TMCO6: variants seen among roughly 807,000 people sequenced by gnomAD.
TMCO6 encodes the protein transmembrane and coiled-coil domain-containing protein 6.
A neutral mutation model predicts 61.8 loss-of-function variants in TMCO6; 47 were observed. That is an observed-to-expected ratio of 0.76 (90% confidence interval 0.60 to 0.97). TMCO6 has a LOEUF of 0.97. TMCO6 is among the 50% of genes least tolerant of loss of function. The pLI is 0.00. For missense variants in TMCO6, 557 were observed against 601.6 expected (o/e 0.93, Z 0.78); for synonymous variants, 261 against 254.2 (o/e 1.03, Z -0.25).
chr5:140,603,052 GT>G, the TMCO6 span, among the ~76,000 whole-genome samples: 1 of 151,880 alleles, frequency 6.6e-6, no homozygotes, highest in Admixed American at 6.6e-5. Context: ...GTATGATTCA[GT>G]GGTATTTAGT....
chr5:140,633,789 C>CT, the TMCO6 span: 2,433 of 124,342 alleles, frequency 0.02, 59 homozygotes, highest in African/African-American at 0.048. Context: ...AACTTTCTTT[C>CT]TTTTTTTTTT....
At chr5:140,632,938 G>A in the TMCO6 span, 1 of 1,614,118 alleles carries the variant, frequency 6.2e-7, no homozygotes, top group Non-Finnish European at 8.5e-7. This position sits in a 1 kb window ranked among gnomAD's most constrained non-coding sequence, Gnocchi z 6.2. Context: ...GCAGAGACGT[G>A]CACCAGCGGC....
In TMCO6 at chr5:140,641,969, C is replaced by T. The variant is rs528915325; in HGVS notation, c.414C>T (p.Ser138=). 2.1e-4 allele frequency: 343 copies of T among 1,614,082 alleles called. No homozygotes were observed. The South Asian group carries it at 2.9e-3, about 14-fold the overall frequency. ...GGTGCCTGCATGAGCTCTCTCACTC[C>T]GAGCAGTCCACTGTTGCTGAGGCCT... ...AARCLHELSH[S]EQSTVAEACL... The change falls in exon 4 of 12, where the codon TCC becomes TCT. Residue 138 remains serine, a synonymous_variant. Coordinates refer to ENST00000394671, the MANE Select transcript of TMCO6 (RefSeq NM_018502.5).
the TMCO6 span, among the ~76,000 whole-genome samples, chr5:140,620,120 G>T: frequency 6.6e-6 from 1 of 152,182 alleles, no homozygotes; most frequent in Non-Finnish European, 1.5e-5. Context: ...AAAACTTGGG[G>T]GCAACTAAGA....
At chr5:140,615,310 A>C in the TMCO6 span, among the ~76,000 whole-genome samples, 1 of 152,254 alleles carries the variant, frequency 6.6e-6, no homozygotes, top group Non-Finnish European at 1.5e-5. Context: ...ACAAATAAAC[A>C]GAAAGTTAAT....
the TMCO6 span, chr5:140,633,047 G>A: frequency 6.2e-7 from 1 of 1,614,060 alleles, no homozygotes; most frequent in Non-Finnish European, 8.5e-7. Context: ...GCACGCGTTC[G>A]ACCCCAAGAC....
upstream of TMCO6, among the ~76,000 whole-genome samples, chr5:140,638,314 G>A (rs1230797283): frequency 3.9e-5 from 6 of 152,180 alleles, no homozygotes; most frequent in African/African-American, 1.4e-4. Flanking sequence ...AGGGGAAGGG[G>A]TGCCTGTAAT....
chr5:140,645,084 GCT>G lies in TMCO6; in HGVS notation c.1471_1472del (p.Leu491SerfsTer16), dbSNP rs1252501458. 6.2e-7 allele frequency: 1 copy of G among 1,614,096 alleles called. No homozygotes were observed. Among genetic ancestry groups the G allele is most frequent in the South Asian group, 1.1e-5 (1 of 91,088 alleles). On this transcript the variant is annotated frameshift_variant, in exon 12 of 12. Transcript: ENST00000394671. LOFTEE classifies it high-confidence loss of function. ...QDRVYALQQT[A>X]LQG Reference sequence around the variant, plus strand: ...TCGTGTGTATGCTCTCCAGCAGACAGCTCTTCAAGGGTGATCTTGTTTCTCAA... The same window carrying G: ...TCGTGTGTATGCTCTCCAGCAGACAGCTTCAAGGGTGATCTTGTTTCTCAA...
At chr5:140,632,982 T>C in the TMCO6 span, 1 of 1,614,086 alleles carries the variant, frequency 6.2e-7, no homozygotes, top group Non-Finnish European at 8.5e-7. This position sits in a 1 kb window ranked among gnomAD's most constrained non-coding sequence, Gnocchi z 6.2. Flanking sequence ...CGCGCGCTCC[T>C]GGGGAGAGAG....
chr5:140,631,966 G>C, the TMCO6 span: 14 of 1,613,526 alleles, frequency 8.7e-6, no homozygotes, highest in Middle Eastern at 1.6e-4. Flanking sequence ...GAGCCCTCGT[G>C]GGGGAGGGCA....
chr5:140,606,245 C>T, the TMCO6 span, among the ~76,000 whole-genome samples: 2 of 150,792 alleles, frequency 1.3e-5, no homozygotes, highest in Non-Finnish European at 2.9e-5. Flanking sequence ...AACTCCTGGG[C>T]TCAAGCACTC....
At chr5:140,627,935 T>G in the TMCO6 span, among the ~76,000 whole-genome samples, 2 of 151,800 alleles carry the variant, frequency 1.3e-5, no homozygotes, top group African/African-American at 4.8e-5. Flanking sequence ...GATTGCAATA[T>G]GCTGTGAAGA....
chr5:140,621,443 C>T, the TMCO6 span, among the ~76,000 whole-genome samples: 22 of 152,162 alleles, frequency 1.4e-4, no homozygotes, highest in Admixed American at 1.4e-3. Context: ...AGTCAATACC[C>T]TTGTGATTTC....
the TMCO6 span, among the ~76,000 whole-genome samples, chr5:140,605,692 A>AACACAC: frequency 1.9e-3 from 230 of 118,664 alleles, 1 homozygote; most frequent in Middle Eastern, 0.016. Context: ...AAAAAAACAA[A>AACACAC]ACACACACAC....
At chr5:140,647,379 A>C (rs1439899682), downstream of TMCO6, 1 of 1,611,048 alleles carries the variant, frequency 6.2e-7, no homozygotes, top group East Asian at 2.2e-5. Flanking sequence ...GGCCGGAGAG[A>C]GCGCCGCGCG....
intron 5 of TMCO6, 46 bp downstream of exon 5, chr5:140,642,465 C>T (rs766452856): frequency 8.7e-6 from 14 of 1,604,346 alleles, no homozygotes; most frequent in African/African-American, 1.3e-5. Flanking sequence ...TTGCTCCTCC[C>T]CACATGCTCC....
the TMCO6 span, among the ~76,000 whole-genome samples, chr5:140,604,078 C>T: frequency 2.8e-4 from 42 of 152,228 alleles, 1 homozygote; most frequent in South Asian, 5.6e-3. Context: ...CTTTAATTTG[C>T]GTTCCCTTTA....
At chr5:140,615,814 A>G in the TMCO6 span, among the ~76,000 whole-genome samples, 3 of 152,234 alleles carry the variant, frequency 2.0e-5, no homozygotes, top group Non-Finnish European at 4.4e-5. Flanking sequence ...AATTGCTATA[A>G]GAGCAAAAAG....
the TMCO6 span, chr5:140,632,765 G>A: frequency 6.2e-6 from 10 of 1,613,364 alleles, no homozygotes; most frequent in Non-Finnish European, 7.6e-6. The surrounding 1 kb of genome is among the most constrained non-coding windows in gnomAD (Gnocchi z 6.2). Context: ...CGTCCGCATC[G>A]ACGCGCTTTA....
Sources: allele counts gnomAD v4.1 joint callset (sites outside exome capture counted in the v4.1 genomes callset), GRCh38; gene constraint gnomAD v4.1.1; non-coding constraint Gnocchi (gnomAD v3.1); transcripts MANE v1.5; gene names NCBI Gene and HGNC (gene_info 2026-07-23, HGNC 2026-07-21).